Variants in FOXJ3 observed in about 807,000 individuals in gnomAD.
FOXJ3 encodes the protein forkhead box protein J3.
Under a neutral mutation model 76.1 loss-of-function variants are expected in FOXJ3, and 22 were observed. The observed-to-expected ratio is 0.29, with a 90% CI of 0.21 to 0.41. The LOEUF is 0.41. FOXJ3 is among the 10% of genes least tolerant of loss of function. The pLI, the probability that FOXJ3 is intolerant of heterozygous loss-of-function variation, is 1.00. For synonymous variants in FOXJ3, 269 were observed against 261.2 expected, an observed-to-expected ratio of 1.03 and a Z score of -0.29; for missense variants, 613 against 762.1, an observed-to-expected ratio of 0.80 and a Z score of 2.30.
At position 42,273,461 on chromosome 1, in the gene FOXJ3, G is replaced by A. The variant is rs114887028; in HGVS notation, c.369+4887C>T. Among the ~76,000 whole-genome samples the A allele has an allele frequency of 6.9e-3, 1,053 of 152,164 alleles. 4 individuals are homozygous for A. Among genetic ancestry groups the A allele is most frequent in the Non-Finnish European group, 0.012 (807 of 67,982 alleles). On this transcript the variant is annotated intron_variant, in intron 3 of 12. Coordinates refer to ENST00000361346, the MANE Select transcript of FOXJ3 (RefSeq NM_014947.5). ...GGCCAAGGTAGACAGATCACTTGAA[G>A]TCAGGAGTTCGGAACCAGCCTGGCC...
chr1:42,181,812 GACAC>G (rs112821227), intron 12 of FOXJ3, 101 bp downstream of exon 12: 16 of 611,570 alleles, frequency 2.6e-5, no homozygotes, highest in South Asian at 9.5e-5. Flanking sequence ...GGTAATAACT[GACAC>G]ACACACACAC....
chr1:42,315,118 T>C (rs1655028818), intron 1 of FOXJ3, among the ~76,000 whole-genome samples: 1 of 152,172 alleles, frequency 6.6e-6, no homozygotes, highest in Non-Finnish European at 1.5e-5. Flanking sequence ...TTATACGAAA[T>C]GTCCAGAACT....
At chr1:42,244,720 T>G (rs948062034) in intron 4 of FOXJ3, among the ~76,000 whole-genome samples, 2 of 150,382 alleles carry the variant, frequency 1.3e-5, no homozygotes, top group African/African-American at 4.9e-5. Flanking sequence ...ACAACTGACA[T>G]CACAGAAATA....
chr1:42,179,109 G>C lies in FOXJ3; in HGVS notation c.*601C>G, dbSNP rs1485274032. 1 of 152,530 alleles carries C rather than the reference G, an allele frequency of 6.6e-6. No homozygotes were observed. Among genetic ancestry groups the C allele is most frequent in the African/African-American group, 2.4e-5 (1 of 41,420 alleles). The allele number at this position is 152,530 out of a possible 1,614,324, so 9.4% of individuals were successfully genotyped here. On this transcript the variant is annotated 3_prime_UTR_variant, in exon 13 of 13. Transcript: ENST00000361346. The stretch of plus-strand genomic sequence containing the variant: ...AGCAACATGCCCCTTCGGATTGTTG[G>C]AGTGTGTCAAATTCTGGTTTCCTTG...
chr1:42,190,096 C>T (rs1485181759), intron 9 of FOXJ3, among the ~76,000 whole-genome samples: 2 of 152,184 alleles, frequency 1.3e-5, no homozygotes, highest in Admixed American at 1.3e-4. Context: ...TCTGGTATGA[C>T]ATCAGAAGAG....
At chr1:42,230,478 T>G (rs1647988486) in intron 4 of FOXJ3, among the ~76,000 whole-genome samples, 2 of 152,208 alleles carry the variant, frequency 1.3e-5, no homozygotes, top group African/African-American at 2.4e-5. Flanking sequence ...GACCCAAGTC[T>G]AAAGCTCAAA....
chr1:42,218,877 G>T (rs185272148), intron 5 of FOXJ3, among the ~76,000 whole-genome samples: 1 of 152,198 alleles, frequency 6.6e-6, no homozygotes, highest in African/African-American at 2.4e-5. Flanking sequence ...CCTCCTTGTT[G>T]TTTCTCACCA....
chr1:42,183,892 G>A (rs1011639111), intron 11 of FOXJ3, among the ~76,000 whole-genome samples: 4 of 152,028 alleles, frequency 2.6e-5, no homozygotes, highest in Admixed American at 2.0e-4. Context: ...GACAGAACCA[G>A]GACCAGAATT....
At chr1:42,291,016 A>C (rs1431027261) in intron 2 of FOXJ3, among the ~76,000 whole-genome samples, 3 of 151,610 alleles carry the variant, frequency 2.0e-5, no homozygotes, top group Admixed American at 1.3e-4. Flanking sequence ...GAGTCCAAGA[A>C]AAGACCCATA....
chr1:42,193,706 TA>T (rs2124218891), intron 8 of FOXJ3, among the ~76,000 whole-genome samples: 1 of 152,208 alleles, frequency 6.6e-6, no homozygotes, highest in Non-Finnish European at 1.5e-5. Context: ...ATGCAAACAG[TA>T]TAAAGACAAG....
chr1:42,305,773 G>C (rs1441340520), intron 2 of FOXJ3, among the ~76,000 whole-genome samples: 1 of 152,142 alleles, frequency 6.6e-6, no homozygotes, highest in Non-Finnish European at 1.5e-5. Flanking sequence ...AAAATAAAAG[G>C]AGTGACTAAG....
intron 4 of FOXJ3, among the ~76,000 whole-genome samples, chr1:42,257,218 CAAAG>C (rs1437490548): frequency 6.6e-6 from 1 of 152,130 alleles, no homozygotes; most frequent in Non-Finnish European, 1.5e-5. Flanking sequence ...TGTAAAATCC[CAAAG>C]AAAGATCACA....
chr1:42,199,010 C>A, intron 7 of FOXJ3, 92 bp downstream of exon 7: 1 of 1,025,076 alleles, frequency 9.8e-7, no homozygotes, highest in Non-Finnish European at 1.4e-6. Flanking sequence ...AAAAACATAC[C>A]TTCATTTTTA....
chr1:42,334,068 C>T, intron 1 of FOXJ3: 3 of 687,866 alleles, frequency 4.4e-6, no homozygotes, highest in Non-Finnish European at 5.4e-6. Flanking sequence ...AATGCACCAA[C>T]ACGGAATAGT....
chr1:42,264,928 G>A (rs185979546), intron 4 of FOXJ3, 187 bp downstream of exon 4: 70 of 586,224 alleles, frequency 1.2e-4, no homozygotes, highest in Non-Finnish European at 2.0e-4. Flanking sequence ...ACAGCACTGT[G>A]GTGTGCAACA....
intron 12 of FOXJ3, among the ~76,000 whole-genome samples, chr1:42,181,339 C>T (rs79076288): frequency 0.037 from 5,648 of 152,252 alleles, 142 homozygotes; most frequent in Non-Finnish European, 0.059. Flanking sequence ...AAGAACCCAG[C>T]GGGAAAAGTG....
At chr1:42,239,819 G>T (rs1476340166) in intron 4 of FOXJ3, among the ~76,000 whole-genome samples, 1 of 152,162 alleles carries the variant, frequency 6.6e-6, no homozygotes, top group Non-Finnish European at 1.5e-5. Flanking sequence ...CAAGTAGAAT[G>T]ATGAATCCAA....
At chr1:42,243,675 A>G (rs1055673192) in intron 4 of FOXJ3, among the ~76,000 whole-genome samples, 10 of 152,216 alleles carry the variant, frequency 6.6e-5, no homozygotes, top group Non-Finnish European at 1.2e-4. Flanking sequence ...AGACAAAGAC[A>G]GTCATCATAT....
At chr1:42,239,427 T>G (rs1648953098) in intron 4 of FOXJ3, among the ~76,000 whole-genome samples, 3 of 150,196 alleles carry the variant, frequency 2.0e-5, no homozygotes, top group African/African-American at 7.6e-5. Flanking sequence ...GCTGGATGAG[T>G]GTTAACCTTG....
Sources: gnomAD v4.1 joint callset for allele counts (sites outside exome capture counted in the v4.1 genomes callset) on GRCh38, gnomAD v4.1.1 for gene constraint, MANE v1.5 for transcripts, NCBI Gene and HGNC (gene_info 2026-07-23, HGNC 2026-07-21) for gene names.